Variants in GALNT10 observed in about 807,000 individuals in gnomAD.
The protein encoded by GALNT10 is polypeptide N-acetylgalactosaminyltransferase 10.
Under a neutral mutation model 75.0 loss-of-function variants are expected in GALNT10, and 41 were observed. The ratio of observed to expected loss-of-function variants is 0.55; its 90% CI spans 0.43 to 0.71. The LOEUF is 0.71. Among genes scored for constraint, GALNT10 ranks in the 30% least tolerant of loss-of-function variants. The pLI, the probability that GALNT10 is intolerant of heterozygous loss-of-function variation, is 0.00. For missense variants in GALNT10, 727 were observed against 818.5 expected, an observed-to-expected ratio of 0.89 and a Z score of 1.36; for synonymous variants, 302 against 313.0, an observed-to-expected ratio of 0.96 and a Z score of 0.37.
At chr5:154,275,403 G>C (rs530820055) in intron 1 of GALNT10, among the ~76,000 whole-genome samples, 1 of 152,180 alleles carries the variant, frequency 6.6e-6, no homozygotes, top group Non-Finnish European at 1.5e-5. Context: ...GACTTATCTT[G>C]TTGAATAGAC....
intron 3 of GALNT10, among the ~76,000 whole-genome samples, chr5:154,318,445 ATAT>A (rs1754629636): frequency 1.1e-4 from 1 of 9,484 alleles, no homozygotes; most frequent in Non-Finnish European, 2.9e-4. Context: ...TAAAATACTA[ATAT>A]ATATATATAT....
At chr5:154,345,188 T>G (rs931727843) in intron 4 of GALNT10, among the ~76,000 whole-genome samples, 1 of 151,772 alleles carries the variant, frequency 6.6e-6, no homozygotes, top group African/African-American at 2.4e-5. Flanking sequence ...CAAGTAAAAA[T>G]TGTGTATATT....
At chr5:154,374,659 T>C (rs1402904036) in intron 4 of GALNT10, among the ~76,000 whole-genome samples, 1 of 152,200 alleles carries the variant, frequency 6.6e-6, no homozygotes, top group Non-Finnish European at 1.5e-5. Flanking sequence ...TGAGTTTAAG[T>C]CACACCTAAA....
At chr5:154,381,977 C>T (rs1755741747) in intron 6 of GALNT10, among the ~76,000 whole-genome samples, 1 of 152,338 alleles carries the variant, frequency 6.6e-6, no homozygotes, top group East Asian at 1.9e-4. Flanking sequence ...GTCTCTTTTG[C>T]CACATAAGGT....
chr5:154,206,488 C>T (rs867170506), intron 1 of GALNT10, among the ~76,000 whole-genome samples: 4 of 152,196 alleles, frequency 2.6e-5, no homozygotes, highest in Admixed American at 2.6e-4. Flanking sequence ...GTGCATCAGG[C>T]AGAGCATGAC....
At chr5:154,397,771 C>T (rs546465962) in intron 7 of GALNT10, among the ~76,000 whole-genome samples, 1 of 152,370 alleles carries the variant, frequency 6.6e-6, no homozygotes, top group East Asian at 1.9e-4. Flanking sequence ...TATCTCTGGG[C>T]AGGTCGGGTG....
Position 154,412,711 on chromosome 5 carries a change from GTCTT to G in GALNT10, c.1387-177_1387-174del. 1.6e-6 allele frequency: 1 copy of G among 630,736 alleles called. No homozygotes were observed. The highest frequency in any genetic ancestry group is 2.9e-6 in the Non-Finnish European group (1 of 348,194). The allele number at this position is 630,736 out of a possible 1,614,324, so 39.1% of individuals were successfully genotyped here. A position where few individuals can be genotyped will look rare whatever the true frequency, so the allele number is the denominator to read the frequency against. On this transcript the variant is annotated intron_variant, in intron 9 of 11. Transcript: ENST00000297107. This position sits in a 1 kb window ranked among gnomAD's most constrained non-coding sequence, Gnocchi z 4.2. ...TTAAGGATTACATTCTGTGGACTGAGTCTTCCTTCATTGAGAGGCTCAAGGTACT... is the reference window on the plus strand; with the variant it reads ...TTAAGGATTACATTCTGTGGACTGAGCCTTCATTGAGAGGCTCAAGGTACT...
At chr5:154,234,375 C>T (rs1227623731) in intron 1 of GALNT10, among the ~76,000 whole-genome samples, 1 of 152,148 alleles carries the variant, frequency 6.6e-6, no homozygotes, top group Non-Finnish European at 1.5e-5. Context: ...AGGTGAAGAA[C>T]AGGCTCATAG....
At chr5:154,354,048 A>G (rs1581988749) in intron 4 of GALNT10, among the ~76,000 whole-genome samples, 1 of 152,224 alleles carries the variant, frequency 6.6e-6, no homozygotes, top group African/African-American at 2.4e-5. Flanking sequence ...GCAACCCACC[A>G]GTACTCTGTA....
At chr5:154,403,428 A>G (rs1756208696) in intron 7 of GALNT10, among the ~76,000 whole-genome samples, 1 of 152,230 alleles carries the variant, frequency 6.6e-6, no homozygotes, top group Non-Finnish European at 1.5e-5. Context: ...AAAGAGAACC[A>G]TCAGATCCCA....
chr5:154,369,201 G>T (rs1025508997), intron 4 of GALNT10, among the ~76,000 whole-genome samples: 7 of 152,102 alleles, frequency 4.6e-5, no homozygotes, highest in African/African-American at 1.4e-4. Flanking sequence ...CAGCCTGGCC[G>T]ACGTGGCGAA....
At chr5:154,260,744 GCT>G (rs1753688076) in intron 1 of GALNT10, among the ~76,000 whole-genome samples, 1 of 152,256 alleles carries the variant, frequency 6.6e-6, no homozygotes, top group East Asian at 1.9e-4. Context: ...TTTGTTGACT[GCT>G]CGTGATGGTT....
intron 3 of GALNT10, among the ~76,000 whole-genome samples, chr5:154,320,984 C>A (rs1344812097): frequency 3.9e-5 from 6 of 152,218 alleles, no homozygotes; most frequent in Non-Finnish European, 8.8e-5. Flanking sequence ...CAATTTGAAA[C>A]TAAGAAGTCT....
chr5:154,289,754 G>T (rs1035697592), intron 1 of GALNT10, among the ~76,000 whole-genome samples: 1 of 152,158 alleles, frequency 6.6e-6, no homozygotes, highest in African/African-American at 2.4e-5. Flanking sequence ...TAGGTTCAGG[G>T]TGTGAGTCCA....
intron 4 of GALNT10, among the ~76,000 whole-genome samples, chr5:154,339,944 C>T (rs1266993566): frequency 1.3e-5 from 2 of 152,284 alleles, no homozygotes; most frequent in African/African-American, 4.8e-5. Context: ...TAGGAAAGCT[C>T]CTGGGCCTTC....
intron 4 of GALNT10, 128 bp downstream of exon 4, chr5:154,329,866 T>TG: frequency 1.7e-6 from 1 of 603,286 alleles, no homozygotes; most frequent in Non-Finnish European, 2.9e-6. Context: ...GCCTGGACGT[T>TG]GCACTGTGCA....
intron 7 of GALNT10, among the ~76,000 whole-genome samples, chr5:154,396,487 GGGTCCAGACCTTAGGAAAACACA>G (rs142597331): frequency 0.45 from 67,686 of 151,852 alleles, 17,597 homozygotes; most frequent in African/African-American, 0.71. Context: ...ATGATAGGGT[GGGTCCAGACCTTAGGAAAACACA>G]GTCTCTGTGG....
At chr5:154,378,149 C>T (rs970886581) in intron 5 of GALNT10, among the ~76,000 whole-genome samples, 1 of 152,180 alleles carries the variant, frequency 6.6e-6, no homozygotes, top group African/African-American at 2.4e-5. Context: ...AAAAGTCTGT[C>T]CCTGCTAATG....
chr5:154,238,716 A>G (rs1753287554), intron 1 of GALNT10, among the ~76,000 whole-genome samples: 1 of 152,132 alleles, frequency 6.6e-6, no homozygotes, highest in Non-Finnish European at 1.5e-5. Context: ...TTGGCCTCAT[A>G]AATAGTCATC....
Sources: allele counts gnomAD v4.1 joint callset (sites outside exome capture counted in the v4.1 genomes callset), GRCh38; gene constraint gnomAD v4.1.1; non-coding constraint Gnocchi (gnomAD v3.1); transcripts MANE v1.5; gene names NCBI Gene and HGNC (gene_info 2026-07-23, HGNC 2026-07-21).